Variants in SIAE observed in about 807,000 individuals in gnomAD.
SIAE encodes the protein sialic acid acetylesterase.
In SIAE, 39 loss-of-function variants were observed where a neutral mutation model predicts 52.6. The ratio of observed to expected loss-of-function variants is 0.74; its 90% CI spans 0.57 to 0.97. The LOEUF (loss-of-function observed/expected upper bound fraction) is 0.97. Ranked by LOEUF, SIAE falls within the 50% of genes least tolerant of loss-of-function variation. SIAE has a pLI of 0.00. For synonymous variants in SIAE, 233 were observed against 241.4 expected, an observed-to-expected ratio of 0.97 and a Z score of 0.32; for missense variants, 592 against 662.1, an observed-to-expected ratio of 0.89 and a Z score of 1.16.
intron 2 of SIAE, among the ~76,000 whole-genome samples, chr11:124,668,334 T>A (rs535254230): frequency 6.6e-6 from 1 of 152,340 alleles, no homozygotes; most frequent in South Asian, 2.1e-4. Flanking sequence ...TTGTTCTTCC[T>A]CACTGTGGCA....
At position 124,647,400 on chromosome 11, in the gene SIAE, G is replaced by T. The variant is rs1177774184; in HGVS notation, c.931C>A (p.Gln311Lys). 4 of 1,614,092 alleles carry T rather than the reference G, an allele frequency of 2.5e-6. No homozygotes were observed. The highest frequency in any genetic ancestry group is 2.5e-6 in the Non-Finnish European group (3 of 1,180,044). Residue 311 changes from glutamine to lysine, a missense_variant, in exon 7 of 10, where the codon CAG (glutamine) becomes AAG (lysine). By Grantham distance (53) the Gln-to-Lys change is moderately conservative. Transcript: ENST00000263593. ...RETFHRGSQG[Q>K]TERFFPFGLV... ...CCAAATGGGAAGAAACGCTCCGTCTGCCCCTGGGAACCACGGTGGAAGGTT... is the reference window on the plus strand; with the variant it reads ...CCAAATGGGAAGAAACGCTCCGTCTTCCCCTGGGAACCACGGTGGAAGGTT...
At position 124,633,335 on chromosome 11, in the gene SIAE, G is replaced by A. The variant is rs1455036481; in HGVS notation, c.*3616C>T. 6.6e-6 allele frequency: 1 copy of A among 152,160 alleles called. No homozygotes were observed. Among genetic ancestry groups the A allele is most frequent in the Non-Finnish European group, 1.5e-5 (1 of 68,036 alleles). The allele number at this position is 152,160 out of a possible 1,614,324, so 9.4% of individuals were successfully genotyped here. On this transcript the variant is annotated 3_prime_UTR_variant, in exon 10 of 10. Coordinates refer to ENST00000263593, the MANE Select transcript of SIAE (RefSeq NM_170601.5). ...CCCTGTTAATAGCATTAAGGTAGAG[G>A]TTTACTCTATCACCTAACACCTCAA...
Position 124,673,731 on chromosome 11 carries a change from C to T in SIAE, c.-23G>A, listed in dbSNP as rs745575903. 3 of 1,611,768 alleles carry T rather than the reference C, an allele frequency of 1.9e-6. No homozygotes were observed. The highest frequency in any genetic ancestry group is 2.2e-5 in the East Asian group (1 of 44,598). ...CATGCTTGCAAGGATCTGACCGCCGCCTAGGACTGGGAAAGTGGGTTCCCG... is the reference window on the plus strand; with the variant it reads ...CATGCTTGCAAGGATCTGACCGCCGTCTAGGACTGGGAAAGTGGGTTCCCG... On this transcript the variant is annotated 5_prime_UTR_variant, in exon 1 of 10. Transcript: ENST00000263593.
intron 3 of SIAE, among the ~76,000 whole-genome samples, chr11:124,655,334 C>A (rs1279145082): frequency 6.6e-6 from 1 of 152,138 alleles, no homozygotes; most frequent in Admixed American, 6.5e-5. Flanking sequence ...CACCACCATG[C>A]CCAGCTAATT....
intron 4 of SIAE, 108 bp from the exon 5 acceptor site, chr11:124,649,904 T>C: frequency 1.9e-6 from 2 of 1,036,892 alleles, no homozygotes; most frequent in Non-Finnish European, 2.9e-6. Flanking sequence ...GTCATTCTTC[T>C]GTTGTTTTCT....
At chr11:124,668,006 G>A (rs1480541430) in intron 2 of SIAE, among the ~76,000 whole-genome samples, 1 of 152,124 alleles carries the variant, frequency 6.6e-6, no homozygotes, top group Admixed American at 6.6e-5. Context: ...TGCTGCCACA[G>A]CGAACTTTCT....
rs1420659019 is a variant in SIAE, at chr11:124,638,752, A to C, written c.1125-15T>G. The stretch of plus-strand genomic sequence containing the variant: ...GAGGGTGGATGCTACAGGATAAGGA[A>C]CAAGTAGAGAACTTTGGGTTTAAGC... On this transcript the variant is annotated splice_polypyrimidine_tract_variant and intron_variant, in intron 8 of 9. Transcript: ENST00000263593. The C allele has an allele frequency of 6.2e-7, 1 of 1,611,512 alleles. No homozygotes were observed. The highest frequency in any genetic ancestry group is 1.1e-5 in the South Asian group (1 of 90,958).
chr11:124,637,133 G>C lies in SIAE; in HGVS notation c.1390C>G (p.Leu464Val). 6.2e-7 allele frequency: 1 copy of C among 1,614,192 alleles called. No homozygotes were observed. Among genetic ancestry groups the C allele is most frequent in the Non-Finnish European group, 8.5e-7 (1 of 1,180,038 alleles). The change falls in exon 10 of 10, where the codon CTG becomes GTG. Residue 464 changes from leucine to valine, a missense_variant. Transcript: ENST00000263593. ...TGACAAGAATCGATCGCCAGGGTCAGGGACTGGGTGGAGACGGTGTTCATA... is the reference window on the plus strand; with the variant it reads ...TGACAAGAATCGATCGCCAGGGTCACGGACTGGGTGGAGACGGTGTTCATA... The part of the protein sequence containing the change: ...ASMNTVSTQS[L>V]TLAIDSCHGT...
chr11:124,649,678 T>C lies in SIAE; in HGVS notation c.663A>G (p.Thr221=), dbSNP rs1188975077. The change falls in exon 5 of 10, where the codon ACA becomes ACG. Residue 221 remains threonine, a synonymous_variant. Coordinates refer to ENST00000263593, the MANE Select transcript of SIAE (RefSeq NM_170601.5). The part of the protein sequence containing the change: ...IGLIASSWGG[T]PIEAWSSGRS... The stretch of plus-strand genomic sequence containing the variant: ...GTCCAGATGACCAGGCTTCAATGGG[T>C]GTCCCGCCCCAGCTGGAGGCGATCA... 6.2e-7 allele frequency: 1 copy of C among 1,614,012 alleles called. No homozygotes were observed. The highest frequency in any genetic ancestry group is 8.5e-7 in the Non-Finnish European group (1 of 1,180,042).
chr11:124,675,499 C>T, upstream of SIAE: 1 of 1,484,456 alleles, frequency 6.7e-7, no homozygotes, highest in Non-Finnish European at 9.1e-7. Flanking sequence ...AGACCATCTC[C>T]ATTCTGCAGA....
chr11:124,642,770 G>A (rs967522871), intron 7 of SIAE, among the ~76,000 whole-genome samples: 1 of 152,168 alleles, frequency 6.6e-6, no homozygotes, highest in Middle Eastern at 3.2e-3. Flanking sequence ...TACAAGTAAC[G>A]TCCCCAGTCA....
intron 2 of SIAE, among the ~76,000 whole-genome samples, 157 bp from the exon 3 acceptor site, chr11:124,660,960 C>G (rs562804500): frequency 6.6e-6 from 1 of 152,282 alleles, no homozygotes; most frequent in East Asian, 1.9e-4. Flanking sequence ...AGAACTAACA[C>G]GAGCAGCAGC....
rs1942816364 is a variant in SIAE, at chr11:124,639,878, G to A, written c.967-11C>T. On this transcript the variant is annotated splice_polypyrimidine_tract_variant and intron_variant, in intron 7 of 9. Transcript: ENST00000263593. ...CAAATCTGAAGATAACTAGAAAGCA[G>A]AGACATTGCTAATTTTATTGTATCA... 6 of 1,613,810 alleles carry A rather than the reference G, an allele frequency of 3.7e-6. No individual in the cohort carries two copies. In the East Asian group the frequency reaches 1.3e-4, roughly 36 times the overall value.
At chr11:124,638,485 A>G (rs1454103462) in intron 9 of SIAE, 57 bp downstream of exon 9, 24 of 1,572,260 alleles carry the variant, frequency 1.5e-5, no homozygotes, top group Non-Finnish European at 1.8e-5. Flanking sequence ...TCAAGTGCGG[A>G]GGAAATCTTG....
intron 2 of SIAE, 139 bp downstream of exon 2, chr11:124,669,221 A>T: frequency 8.5e-7 from 1 of 1,179,580 alleles, no homozygotes; most frequent in South Asian, 1.3e-5. Context: ...GCAAATATTC[A>T]AATAACTTTT....
rs756672398 is a variant in SIAE, at chr11:124,637,206, A to C, written c.1321-4T>G. 6.2e-7 allele frequency: 1 copy of C among 1,614,158 alleles called. No homozygotes were observed. On this transcript the variant is annotated splice_region_variant and splice_polypyrimidine_tract_variant and intron_variant, in intron 9 of 9. Transcript: ENST00000263593. The stretch of plus-strand genomic sequence containing the variant: ...GATGGTCACTGCAACAGGAGATCTA[A>C]TAAGAGAGCCATAAAATAGGAATGA...
Position 124,636,981 on chromosome 11 carries a change from A to C in SIAE, c.1542T>G (p.Gly514=). 6 of 1,614,196 alleles carry C rather than the reference A, an allele frequency of 3.7e-6. No homozygotes were observed. The highest frequency in any genetic ancestry group is 5.1e-6 in the Non-Finnish European group (6 of 1,180,036). The change falls in exon 10 of 10, where the codon GGT becomes GGG. Residue 514 remains glycine (G), a synonymous_variant. Transcript: ENST00000263593. Reference sequence around the variant, plus strand: ...TAGCAACATTGCTCTGATGTCCAGGACCCTGGTCTGTAATGAAAGCAATGA... The same window carrying C: ...TAGCAACATTGCTCTGATGTCCAGGCCCCTGGTCTGTAATGAAAGCAATGA... The part of the protein sequence containing the change: ...PPFIAFITDQ[G]PGHQSNVAK
intron 5 of SIAE, among the ~76,000 whole-genome samples, 164 bp from the exon 6 acceptor site, chr11:124,648,339 T>G (rs1293108192): frequency 6.6e-6 from 1 of 152,216 alleles, no homozygotes; most frequent in Non-Finnish European, 1.5e-5. Flanking sequence ...ATATGAATAT[T>G]CTCTGAATTT....
At chr11:124,673,996 C>CT (rs1466097822), upstream of SIAE, 2 of 485,988 alleles carry the variant, frequency 4.1e-6, no homozygotes, top group Non-Finnish European at 7.4e-6. Context: ...AAGACCTAGC[C>CT]TTTTCCCTTC....
Sources: allele counts gnomAD v4.1 joint callset (sites outside exome capture counted in the v4.1 genomes callset), GRCh38; gene constraint gnomAD v4.1.1; transcripts MANE v1.5; gene names NCBI Gene and HGNC (gene_info 2026-07-23, HGNC 2026-07-21).